The following AHCYL2 variants were observed in gnomAD, a reference collection of about 807,000 sequenced individuals.
AHCYL2 encodes the protein adenosylhomocysteinase like 2, also known as S-adenosylhomocysteine hydrolase-like protein 2.
AHCYL2 carries 28 observed loss-of-function variants against 81.4 expected under a neutral mutation model. The observed-to-expected ratio is 0.34, with a 90% confidence interval of 0.25 to 0.47. The LOEUF is 0.47. AHCYL2 is among the 20% of genes least tolerant of loss of function. AHCYL2 has a pLI of 1.00. For missense variants in AHCYL2, 551 were observed against 785.1 expected, an observed-to-expected ratio of 0.70 and a Z score of 3.56; for synonymous variants, 272 against 290.2, an observed-to-expected ratio of 0.94 and a Z score of 0.64.
chr7:129,373,684 A>G (rs965361710), intron 1 of AHCYL2, among the ~76,000 whole-genome samples: 1 of 152,002 alleles, frequency 6.6e-6, no homozygotes, highest in Non-Finnish European at 1.5e-5. Context: ...TTCTGGTTCT[A>G]TTTGGTATAG....
chr7:129,252,630 G>A (rs1319911306), intron 1 of AHCYL2, among the ~76,000 whole-genome samples: 6 of 152,186 alleles, frequency 3.9e-5, no homozygotes, highest in Non-Finnish European at 7.3e-5. Flanking sequence ...GTCTGGGGGT[G>A]GTGGCACATG....
intron 1 of AHCYL2, among the ~76,000 whole-genome samples, chr7:129,359,457 G>T (rs1420368414): frequency 1.3e-5 from 2 of 152,116 alleles, no homozygotes; most frequent in African/African-American, 2.4e-5. Flanking sequence ...ATTTTATCAA[G>T]CTGTAGCTTT....
At chr7:129,229,489 G>T (rs375918419) in intron 1 of AHCYL2, among the ~76,000 whole-genome samples, 111 of 147,004 alleles carry the variant, frequency 7.6e-4, no homozygotes, top group Middle Eastern at 6.9e-3. Context: ...CTTGCCCAAG[G>T]TTATACATCT....
intron 6 of AHCYL2, among the ~76,000 whole-genome samples, chr7:129,401,424 A>T (rs1584885312): frequency 6.6e-6 from 1 of 151,750 alleles, no homozygotes; most frequent in Non-Finnish European, 1.5e-5. Context: ...GAGGGGGCAG[A>T]AATTAGGGAA....
intron 1 of AHCYL2, among the ~76,000 whole-genome samples, chr7:129,242,145 A>G (rs1290894198): frequency 6.6e-6 from 1 of 152,114 alleles, no homozygotes; most frequent in Non-Finnish European, 1.5e-5. Context: ...AGTTTGATAC[A>G]TGTAGATTTT....
At chr7:129,360,139 GAGTTTTGCTCTTGTTGCCC>G (rs1793882073) in intron 1 of AHCYL2, among the ~76,000 whole-genome samples, 1 of 148,612 alleles carries the variant, frequency 6.7e-6, no homozygotes, top group South Asian at 2.1e-4. Flanking sequence ...TTTTGAGACG[GAGTTTTGCTCTTGTTGCCC>G]AGGCTGGAGT....
rs542188338 is a variant in AHCYL2, at chr7:129,239,168, GGAAA to G, written c.363+13730_363+13733del. On this transcript the variant is annotated intron_variant, in intron 1 of 16. Transcript: ENST00000325006. The stretch of plus-strand genomic sequence containing the variant: ...AAACGTGTAAATCAGAGGATATTCT[GGAAA>G]ATCTATATGGGAGGTCTAATTATAG... 1.5e-3 allele frequency among the ~76,000 whole-genome samples: 223 copies of G among 152,212 alleles called. 1 individual carries two copies. The highest frequency in any genetic ancestry group is 2.2e-3 in the Non-Finnish European group (151 of 68,002).
intron 2 of AHCYL2, among the ~76,000 whole-genome samples, chr7:129,387,364 A>G (rs953395966): frequency 6.6e-6 from 1 of 152,228 alleles, no homozygotes; most frequent in African/African-American, 2.4e-5. Context: ...GAATAAATTA[A>G]CAACTCTTTC....
intron 2 of AHCYL2, among the ~76,000 whole-genome samples, chr7:129,387,936 C>G (rs1795275956): frequency 6.6e-6 from 1 of 152,220 alleles, no homozygotes; most frequent in African/African-American, 2.4e-5. Context: ...TAGTGCCATG[C>G]CTGATTAACT....
chr7:129,239,594 C>T (rs919303861), intron 1 of AHCYL2, among the ~76,000 whole-genome samples: 2 of 151,944 alleles, frequency 1.3e-5, no homozygotes, highest in African/African-American at 4.8e-5. Flanking sequence ...ATTACAGGCC[C>T]AAGCCACTGT....
At chr7:129,404,112 T>C (rs1165160070) in intron 7 of AHCYL2, among the ~76,000 whole-genome samples, 1 of 151,764 alleles carries the variant, frequency 6.6e-6, no homozygotes, top group Non-Finnish European at 1.5e-5. Flanking sequence ...ACACATATAT[T>C]CATTCATTCA....
intron 1 of AHCYL2, among the ~76,000 whole-genome samples, chr7:129,365,247 C>T (rs1337540004): frequency 6.6e-6 from 1 of 151,986 alleles, no homozygotes; most frequent in African/African-American, 2.4e-5. Context: ...ACTATCATTC[C>T]TTTAAATATT....
chr7:129,340,815 A>G lies in AHCYL2; in HGVS notation c.364-38823A>G, dbSNP rs1349067563. Among the ~76,000 whole-genome samples, 3 of 152,306 alleles carry G rather than the reference A, an allele frequency of 2.0e-5. No individual in the cohort carries two copies. The East Asian group carries it at 5.8e-4, about 29-fold the overall frequency. ...TAATCCATTATGGTGGTAATTCTAC[A>G]AAGTAGTATTTTAAATGTTTAATCA... On this transcript the variant is annotated intron_variant, in intron 1 of 16. Coordinates refer to ENST00000325006, the MANE Select transcript of AHCYL2 (RefSeq NM_015328.4).
In AHCYL2 at chr7:129,396,711, G is replaced by A. The variant is rs780820768; in HGVS notation, c.721-511G>A. 7.8e-4 allele frequency among the ~76,000 whole-genome samples: 119 copies of A among 151,912 alleles called. 1 individual carries two copies. Among genetic ancestry groups the A allele is most frequent in the Non-Finnish European group, 1.4e-3 (93 of 67,986 alleles). On this transcript the variant is annotated intron_variant, in intron 4 of 16. Transcript: ENST00000325006. ...AGTGGGATTACAGTCGTGAGCCACC[G>A]TTCCTGGCCGTGTGTTTGGTTTTTT...
chr7:129,304,136 G>C (rs1797345077), intron 1 of AHCYL2, among the ~76,000 whole-genome samples: 1 of 152,156 alleles, frequency 6.6e-6, no homozygotes, highest in East Asian at 1.9e-4. Context: ...CCATAGGTTT[G>C]GGTATGTTAT....
In AHCYL2 at chr7:129,310,323, A is replaced by G. The variant is rs563583233; in HGVS notation, c.364-69315A>G. Among the ~76,000 whole-genome samples, 8 of 152,310 alleles carry G rather than the reference A, an allele frequency of 5.3e-5. 2 individuals carry two copies. Among genetic ancestry groups the G allele is most frequent in the Admixed American group, 4.6e-4 (7 of 15,296 alleles). Reference sequence around the variant, plus strand: ...TTATGGTCACCTTTTCTCTGAAACCATGCTTGCTAAGATCACCAAGGATCT... The same window carrying G: ...TTATGGTCACCTTTTCTCTGAAACCGTGCTTGCTAAGATCACCAAGGATCT... On this transcript the variant is annotated intron_variant, in intron 1 of 16. Coordinates refer to ENST00000325006, the MANE Select transcript of AHCYL2 (RefSeq NM_015328.4).
chr7:129,369,229 A>G (rs1794254133), intron 1 of AHCYL2, among the ~76,000 whole-genome samples: 1 of 150,112 alleles, frequency 6.7e-6, no homozygotes, highest in African/African-American at 2.5e-5. Flanking sequence ...AAAGACAATA[A>G]CCATCCTTAT....
chr7:129,379,933 G>T (rs1794875720), intron 2 of AHCYL2, among the ~76,000 whole-genome samples, 184 bp downstream of exon 2: 1 of 152,188 alleles, frequency 6.6e-6, no homozygotes, highest in South Asian at 2.1e-4. Flanking sequence ...ATTCAGAGTG[G>T]AGCTTAATAG....
Position 129,368,559 on chromosome 7 carries a change from C to G in AHCYL2, c.364-11079C>G. ...CACATGCCTGAGTGGATGGTGAGTT[C>G]ACTGGTCGTTTTGTTTCTCCTTCTG... On this transcript the variant is annotated intron_variant, in intron 1 of 16. Transcript: ENST00000325006. The surrounding 1 kb of genome is among the most constrained non-coding windows in gnomAD (Gnocchi z 4.4). 6.2e-7 allele frequency: 1 copy of G among 1,613,932 alleles called. No homozygotes were observed. The highest frequency in any genetic ancestry group is 8.5e-7 in the Non-Finnish European group (1 of 1,179,840).
Sources: gnomAD v4.1 joint callset for allele counts (sites outside exome capture counted in the v4.1 genomes callset) on GRCh38, gnomAD v4.1.1 for gene constraint, Gnocchi (gnomAD v3.1) non-coding constraint, MANE v1.5 for transcripts, NCBI Gene and HGNC (gene_info 2026-07-23, HGNC 2026-07-21) for gene names.